PTPRD: variants seen among roughly 807,000 people sequenced by gnomAD.
PTPRD encodes receptor-type tyrosine-protein phosphatase delta.
PTPRD carries 34 observed loss-of-function variants against 214.5 expected under a neutral mutation model. The observed-to-expected ratio is 0.16, with a 90% confidence interval of 0.12 to 0.21. The LOEUF (loss-of-function observed/expected upper bound fraction) is 0.21. Among genes scored for constraint, PTPRD ranks in the 10% least tolerant of loss-of-function variants. The pLI is 1.00. For missense variants in PTPRD, 2,545 were observed against 2,398.7 expected (o/e 1.06, Z -1.27); for synonymous variants, 1,128 against 845.7 (o/e 1.33, Z -5.79).
At chr9:9,943,152 G>C (rs578055693) in intron 4 of PTPRD, among the ~76,000 whole-genome samples, 16 of 152,180 alleles carry the variant, frequency 1.1e-4, no homozygotes, top group African/African-American at 3.1e-4. Context: ...AGACATATTA[G>C]ATCTGTTTTA....
At chr9:9,449,473 C>T (rs1034554296) in intron 8 of PTPRD, among the ~76,000 whole-genome samples, 5 of 151,954 alleles carry the variant, frequency 3.3e-5, no homozygotes, top group Non-Finnish European at 1.5e-5. Context: ...ACCTGTTTAA[C>T]AGCAGGTCAT....
Position 9,768,646 on chromosome 9 carries a change from T to G in PTPRD, c.-367-1795A>C, listed in dbSNP as rs528612210. 3.3e-5 allele frequency among the ~76,000 whole-genome samples: 5 copies of G among 152,306 alleles called. No individual in the cohort carries two copies. In the East Asian group the frequency reaches 9.6e-4, roughly 29 times the overall value. ...ATAGCTATAATTTTATGTTCTATGC[T>G]TACATGCAGTCTGGCATGACTAGAG... On this transcript the variant is annotated intron_variant, in intron 5 of 45. Coordinates refer to ENST00000381196, the MANE Select transcript of PTPRD (RefSeq NM_002839.4).
chr9:10,464,390 G>C (rs2098979381), intron 2 of PTPRD, among the ~76,000 whole-genome samples: 1 of 147,104 alleles, frequency 6.8e-6, no homozygotes, highest in African/African-American at 2.5e-5. Flanking sequence ...AAGAGAGAAA[G>C]AGAGAGAGAG....
intron 3 of PTPRD, among the ~76,000 whole-genome samples, chr9:10,280,298 AAACACAGT>A (rs2095024341): frequency 1.3e-5 from 2 of 152,170 alleles, no homozygotes; most frequent in South Asian, 4.2e-4. Context: ...AGATTCTCAG[AAACACAGT>A]TGACAGGATG....
chr9:8,910,038 T>C (rs1420389772), intron 11 of PTPRD, among the ~76,000 whole-genome samples: 1 of 151,530 alleles, frequency 6.6e-6, no homozygotes, highest in African/African-American at 2.4e-5. Flanking sequence ...TATTTATTAT[T>C]TATTTATTTA....
At chr9:8,623,820 T>C (rs1048340859) in intron 14 of PTPRD, among the ~76,000 whole-genome samples, 1 of 151,852 alleles carries the variant, frequency 6.6e-6, no homozygotes, top group Non-Finnish European at 1.5e-5. Context: ...TCTGTCTGTT[T>C]GCTGAACCTA....
intron 8 of PTPRD, among the ~76,000 whole-genome samples, chr9:9,417,151 C>T (rs2077230909): frequency 6.6e-6 from 1 of 152,100 alleles, no homozygotes; most frequent in East Asian, 1.9e-4. Flanking sequence ...GTTTCACTTG[C>T]TTCAGCTATA....
chr9:8,998,115 G>C (rs912275341), intron 11 of PTPRD, among the ~76,000 whole-genome samples: 1 of 152,112 alleles, frequency 6.6e-6, no homozygotes, highest in South Asian at 2.1e-4. Flanking sequence ...ACAAGCTGCA[G>C]CATGTTAGCT....
At position 9,260,947 on chromosome 9, in the gene PTPRD, T is replaced by C. The variant is rs2099979850; in HGVS notation, c.-202-77584A>G. ...GCCCAAAGATGAATTACTTAGCTAA[T>C]TCTTTGGTATTTTCTCGCAATCCTC... On this transcript the variant is annotated intron_variant, in intron 9 of 45. Transcript: ENST00000381196. Among the ~76,000 whole-genome samples the C allele has an allele frequency of 2.0e-5, 3 of 152,020 alleles. No individual in the cohort carries two copies. In the South Asian group the frequency reaches 6.2e-4, roughly 31 times the overall value.
chr9:9,125,485 T>C (rs1209214363), intron 10 of PTPRD, among the ~76,000 whole-genome samples: 3 of 152,214 alleles, frequency 2.0e-5, no homozygotes, highest in Non-Finnish European at 2.9e-5. Flanking sequence ...TCCCTCACAG[T>C]GCTGCAATTG....
At chr9:10,244,819 AC>A (rs1345470313) in intron 3 of PTPRD, among the ~76,000 whole-genome samples, 1 of 152,058 alleles carries the variant, frequency 6.6e-6, no homozygotes, top group Non-Finnish European at 1.5e-5. Flanking sequence ...TCAGGGCTCT[AC>A]TTTTAAAGCA....
rs1407506607 is a variant in PTPRD at position 9,613,125 on chromosome 9, TACATACATAC to T, written c.-286-38354_-286-38345del. On this transcript the variant is annotated intron_variant, in intron 7 of 45. Coordinates refer to ENST00000381196, the MANE Select transcript of PTPRD (RefSeq NM_002839.4). ...TACATATAATAGCTAGGCTGCAGTA[TACATACATAC>T]ATATATATATATATATATATATATA... Among the ~76,000 whole-genome samples, 107 of 42,106 alleles carry T rather than the reference TACATACATAC, an allele frequency of 2.5e-3. 1 individual carries two copies. The highest frequency in any genetic ancestry group is 7.1e-3 in the African/African-American group (105 of 14,722). 27.6% of individuals were successfully genotyped at this position (42,106 alleles called of 152,430 possible). A position where few individuals can be genotyped will look rare whatever the true frequency, so the allele number is the denominator to read the frequency against.
At chr9:8,381,390 G>A (rs1039177635) in intron 37 of PTPRD, among the ~76,000 whole-genome samples, 1 of 152,096 alleles carries the variant, frequency 6.6e-6, no homozygotes, top group Non-Finnish European at 1.5e-5. Context: ...AAATTTTTAA[G>A]ACCAGATTGA....
intron 7 of PTPRD, among the ~76,000 whole-genome samples, chr9:9,595,087 T>C (rs564233635): frequency 2.0e-5 from 3 of 151,566 alleles, no homozygotes; most frequent in Admixed American, 6.6e-5. Context: ...CAAAAAATAA[T>C]AGATGTTGGC....
At chr9:8,569,703 T>C (rs1342169342) in intron 14 of PTPRD, among the ~76,000 whole-genome samples, 1 of 152,226 alleles carries the variant, frequency 6.6e-6, no homozygotes, top group Non-Finnish European at 1.5e-5. Context: ...CTTTAAAACT[T>C]CCACTGCTTA....
intron 2 of PTPRD, among the ~76,000 whole-genome samples, chr9:10,553,718 T>C (rs761721207): frequency 5.9e-5 from 9 of 152,134 alleles, no homozygotes; most frequent in Non-Finnish European, 7.4e-5. Context: ...TACACACATA[T>C]ATTCAAAGAG....
chr9:9,271,063 G>C (rs1942703657), intron 9 of PTPRD, among the ~76,000 whole-genome samples: 1 of 151,230 alleles, frequency 6.6e-6, no homozygotes, highest in South Asian at 2.1e-4. Flanking sequence ...CTTCCAGGTG[G>C]AGATAAGGAG....
At chr9:9,112,963 TTTTTC>T (rs959410242) in intron 10 of PTPRD, among the ~76,000 whole-genome samples, 2 of 148,984 alleles carry the variant, frequency 1.3e-5, no homozygotes, top group African/African-American at 4.9e-5. Context: ...AGCTCCTATT[TTTTTC>T]TTTTTTTTTT....
chr9:8,723,627 G>C (rs1442582712), intron 12 of PTPRD, among the ~76,000 whole-genome samples: 1 of 152,160 alleles, frequency 6.6e-6, no homozygotes, highest in Non-Finnish European at 1.5e-5. Flanking sequence ...TAAAAGATAA[G>C]TATAGATATT....
Sources: allele counts gnomAD v4.1 joint callset (sites outside exome capture counted in the v4.1 genomes callset), GRCh38; gene constraint gnomAD v4.1.1; transcripts MANE v1.5; gene names NCBI Gene and HGNC (gene_info 2026-07-23, HGNC 2026-07-21).